Variants in CERS6 observed in about 807,000 individuals in gnomAD.
CERS6 encodes the protein ceramide synthase 6.
In CERS6, 26 loss-of-function variants were observed where a neutral mutation model predicts 56.8. That is an observed-to-expected ratio of 0.46 (90% CI 0.34 to 0.63). The LOEUF is 0.63. Ranked by LOEUF, CERS6 falls within the 30% of genes least tolerant of loss-of-function variation. CERS6 has a pLI of 0.01. For missense variants in CERS6, 415 were observed against 467.5 expected (o/e 0.89, Z 1.04); for synonymous variants, 164 against 173.3 (o/e 0.95, Z 0.42).
intron 8 of CERS6, among the ~76,000 whole-genome samples, chr2:168,732,531 G>C (rs535374556): frequency 1.3e-5 from 2 of 152,306 alleles, no homozygotes; most frequent in African/African-American, 4.8e-5. Flanking sequence ...GAATGCCAAA[G>C]TAATACTTAT....
chr2:168,539,861 A>T (rs903351516), intron 1 of CERS6, among the ~76,000 whole-genome samples: 1 of 152,160 alleles, frequency 6.6e-6, no homozygotes, highest in Non-Finnish European at 1.5e-5. Flanking sequence ...TGGTGTGGGA[A>T]TATGTTATTT....
chr2:168,766,777 G>A (rs1684742406), intron 9 of CERS6, among the ~76,000 whole-genome samples: 2 of 152,178 alleles, frequency 1.3e-5, no homozygotes. Flanking sequence ...CCTGCCTGGG[G>A]CCATATGGCA....
intron 3 of CERS6, among the ~76,000 whole-genome samples, chr2:168,601,312 G>A (rs1459314131): frequency 2.0e-5 from 3 of 152,118 alleles, no homozygotes; most frequent in Non-Finnish European, 4.4e-5. Flanking sequence ...GACTCTCAGT[G>A]CAACAGATCT....
intron 4 of CERS6, among the ~76,000 whole-genome samples, chr2:168,679,886 T>C (rs1017785115): frequency 6.6e-6 from 1 of 152,236 alleles, no homozygotes; most frequent in Non-Finnish European, 1.5e-5. Context: ...TTATGAGCAA[T>C]ATCCTTTAAG....
At chr2:168,462,179 T>C (rs1419985481) in intron 1 of CERS6, among the ~76,000 whole-genome samples, 1 of 152,260 alleles carries the variant, frequency 6.6e-6, no homozygotes, top group Non-Finnish European at 1.5e-5. Context: ...GTCGGGACTT[T>C]CAAAATTTTA....
chr2:168,693,250 T>C (rs1559054808), intron 5 of CERS6, among the ~76,000 whole-genome samples: 1 of 152,156 alleles, frequency 6.6e-6, no homozygotes, highest in Non-Finnish European at 1.5e-5. Context: ...AACTGTACAA[T>C]CTAGGTCTAG....
intron 1 of CERS6, among the ~76,000 whole-genome samples, chr2:168,544,939 A>G (rs762469466): frequency 1.2e-4 from 18 of 151,708 alleles, no homozygotes; most frequent in Admixed American, 4.6e-4. Context: ...TTGAATACAC[A>G]TGGCTTGTTT....
At chr2:168,646,055 C>T (rs1330752176) in intron 4 of CERS6, among the ~76,000 whole-genome samples, 1 of 152,146 alleles carries the variant, frequency 6.6e-6, no homozygotes, top group Non-Finnish European at 1.5e-5. Context: ...GGTATATACC[C>T]AGTAATGGGA....
intron 5 of CERS6, among the ~76,000 whole-genome samples, chr2:168,691,431 C>G (rs895220315): frequency 2.0e-5 from 3 of 152,118 alleles, no homozygotes; most frequent in African/African-American, 7.2e-5. Context: ...TAGTGCAGAC[C>G]TGCCTCAACA....
chr2:168,657,215 A>G (rs1037265542), intron 4 of CERS6, among the ~76,000 whole-genome samples: 2 of 147,790 alleles, frequency 1.4e-5, no homozygotes, highest in Non-Finnish European at 3.0e-5. Context: ...AGATATAAAG[A>G]CTCTCCATGT....
chr2:168,670,965 T>TCCCCC (rs1685893692), intron 4 of CERS6, among the ~76,000 whole-genome samples: 2 of 23,172 alleles, frequency 8.6e-5, no homozygotes, highest in Admixed American at 1.5e-3. Context: ...GGATACATGC[T>TCCCCC]TCCCCCCCCC....
intron 1 of CERS6, among the ~76,000 whole-genome samples, chr2:168,520,017 CA>C (rs1437033559): frequency 6.6e-6 from 1 of 152,160 alleles, no homozygotes; most frequent in Non-Finnish European, 1.5e-5. Flanking sequence ...GCACTTTTCA[CA>C]TGGACTAAAC....
intron 8 of CERS6, among the ~76,000 whole-genome samples, chr2:168,731,885 C>G (rs528461432): frequency 6.4e-4 from 97 of 152,310 alleles, no homozygotes; most frequent in African/African-American, 2.2e-3. Flanking sequence ...TAAATTACTT[C>G]CCTTTCCTAG....
intron 4 of CERS6, among the ~76,000 whole-genome samples, chr2:168,635,457 C>T (rs562873345): frequency 3.3e-5 from 5 of 152,236 alleles, no homozygotes; most frequent in Non-Finnish European, 4.4e-5. Context: ...GAGCAAGTCC[C>T]ATCTTCCTCT....
chr2:168,645,179 A>AGAGAGAGAGAGAGAGAGT (rs1685164228), intron 4 of CERS6, among the ~76,000 whole-genome samples: 1 of 125,730 alleles, frequency 8.0e-6, no homozygotes, highest in Non-Finnish European at 1.6e-5. Context: ...AGAGAGAGAG[A>AGAGAGAGAGAGAGAGAGT]GAGAGAGAGA....
At chr2:168,639,832 C>A (rs1273891615) in intron 4 of CERS6, among the ~76,000 whole-genome samples, 1 of 152,122 alleles carries the variant, frequency 6.6e-6, no homozygotes, top group African/African-American at 2.4e-5. Flanking sequence ...TCAGGTGGGA[C>A]AAATGGCTTA....
chr2:168,682,816 A>G (rs1447637942), intron 4 of CERS6, among the ~76,000 whole-genome samples: 1 of 152,160 alleles, frequency 6.6e-6, no homozygotes, highest in Non-Finnish European at 1.5e-5. Flanking sequence ...CATTCCTGAA[A>G]ATTGTGTTGG....
At chr2:168,499,466 G>A (rs141098689) in intron 1 of CERS6, among the ~76,000 whole-genome samples, 5 of 152,304 alleles carry the variant, frequency 3.3e-5, no homozygotes, top group African/African-American at 9.6e-5. Context: ...TTTGCAAGGT[G>A]GATCCAAACC....
At chr2:168,512,652 T>G (rs905365109) in intron 1 of CERS6, among the ~76,000 whole-genome samples, 1 of 150,976 alleles carries the variant, frequency 6.6e-6, no homozygotes, top group Admixed American at 6.6e-5. Flanking sequence ...GATTTTTTTC[T>G]ACAGCTATTT....
Sources: gnomAD v4.1 joint callset for allele counts (sites outside exome capture counted in the v4.1 genomes callset) on GRCh38, gnomAD v4.1.1 for gene constraint, MANE v1.5 for transcripts, NCBI Gene and HGNC (gene_info 2026-07-23, HGNC 2026-07-21) for gene names.